ATF7IP: variants seen among roughly 807,000 people sequenced by gnomAD.
The protein encoded by ATF7IP is activating transcription factor 7 interacting protein.
A neutral mutation model predicts 106.4 loss-of-function variants in ATF7IP; 23 were observed. The ratio of observed to expected loss-of-function variants is 0.22; its 90% confidence interval spans 0.16 to 0.31. ATF7IP has a LOEUF of 0.31. Ranked by LOEUF, ATF7IP falls within the 10% of genes least tolerant of loss-of-function variation. ATF7IP has a pLI of 1.00. For synonymous variants in ATF7IP, 542 were observed against 539.0 expected, an observed-to-expected ratio of 1.01 and a Z score of -0.08; for missense variants, 1,334 against 1,524.3, an observed-to-expected ratio of 0.88 and a Z score of 2.08.
chr12:14,388,191 A>G (rs1939349778), intron 1 of ATF7IP, among the ~76,000 whole-genome samples: 1 of 151,710 alleles, frequency 6.6e-6, no homozygotes, highest in African/African-American at 2.4e-5. Flanking sequence ...CTGGGATTAC[A>G]GGCATGTGCC....
At chr12:14,494,173 A>G (rs892133199) in intron 13 of ATF7IP, among the ~76,000 whole-genome samples, 1 of 150,342 alleles carries the variant, frequency 6.7e-6, no homozygotes, top group Middle Eastern at 3.2e-3. Flanking sequence ...AGCCAACTCC[A>G]GAAACCCCAA....
chr12:14,454,697 A>G (rs75500432), intron 6 of ATF7IP, among the ~76,000 whole-genome samples: 15,733 of 152,142 alleles, frequency 0.1, 1,003 homozygotes, highest in African/African-American at 0.19. Flanking sequence ...TTATCTTGTT[A>G]AGTCATCTCC....
At chr12:14,429,502 G>C (rs534990365) in intron 2 of ATF7IP, among the ~76,000 whole-genome samples, 1 of 152,140 alleles carries the variant, frequency 6.6e-6, no homozygotes, top group South Asian at 2.1e-4. Flanking sequence ...TTTCCTTGCA[G>C]ATTTTATTTC....
intron 1 of ATF7IP, among the ~76,000 whole-genome samples, chr12:14,389,684 A>G (rs1939438730): frequency 1.3e-5 from 2 of 151,924 alleles, no homozygotes; most frequent in African/African-American, 2.4e-5. Context: ...CTGGAGTGCA[A>G]TGGCGCGATC....
At chr12:14,415,016 G>C (rs1941130425) in intron 1 of ATF7IP, among the ~76,000 whole-genome samples, 1 of 152,100 alleles carries the variant, frequency 6.6e-6, no homozygotes, top group Non-Finnish European at 1.5e-5. Flanking sequence ...GCAGTCCACT[G>C]CCTCAGCCTC....
At chr12:14,438,058 A>T (rs1942496093) in intron 4 of ATF7IP, 72 bp from the exon 5 acceptor site, 1 of 1,482,472 alleles carries the variant, frequency 6.7e-7, no homozygotes, top group Non-Finnish European at 9.2e-7. Context: ...GTCTCAAAAA[A>T]AAAGAATATT....
intron 1 of ATF7IP, among the ~76,000 whole-genome samples, chr12:14,397,512 A>G (rs1002517020): frequency 6.6e-6 from 1 of 152,090 alleles, no homozygotes; most frequent in Non-Finnish European, 1.5e-5. Flanking sequence ...ATTTTCATAA[A>G]TCAGTTTCTT....
intron 1 of ATF7IP, chr12:14,369,162 A>C (rs1938429857): frequency 6.7e-6 from 1 of 148,892 alleles, no homozygotes; most frequent in South Asian, 2.1e-4. Flanking sequence ...TATGTTGCCC[A>C]GGCTGGTCTT....
intron 11 of ATF7IP, 79 bp from the exon 12 acceptor site, chr12:14,478,238 A>G (rs1944319210): frequency 7.1e-7 from 1 of 1,412,586 alleles, no homozygotes; most frequent in Admixed American, 1.8e-5. Flanking sequence ...AAGCAAAAGT[A>G]AAATTTGTCC....
chr12:14,385,167 C>T, intron 1 of ATF7IP: 1 of 476,366 alleles, frequency 2.1e-6, no homozygotes, highest in Non-Finnish European at 3.7e-6. Flanking sequence ...TATGCATTAG[C>T]TGTTGTCTAT....
chr12:14,468,823 G>T (rs1943932115), intron 10 of ATF7IP, among the ~76,000 whole-genome samples: 1 of 152,148 alleles, frequency 6.6e-6, no homozygotes. Flanking sequence ...TTGTCAGCCA[G>T]AATTTTTTGA....
At chr12:14,468,600 GGAA>G (rs1462022475) in intron 10 of ATF7IP, among the ~76,000 whole-genome samples, 3 of 152,002 alleles carry the variant, frequency 2.0e-5, no homozygotes, top group Admixed American at 2.0e-4. Context: ...TTGGCTTCAA[GGAA>G]GAGGAATTTA....
intron 2 of ATF7IP, among the ~76,000 whole-genome samples, chr12:14,427,157 C>G (rs191038668): frequency 6.6e-6 from 1 of 152,154 alleles, no homozygotes; most frequent in African/African-American, 2.4e-5. Context: ...GAGTCTTGCT[C>G]TGTTGCCCAG....
chr12:14,394,910 C>G (rs1591783914), intron 1 of ATF7IP: 3 of 152,252 alleles, frequency 2.0e-5, no homozygotes, highest in Admixed American at 6.5e-5. Context: ...AATTCTGATT[C>G]TAGGCATTTT....
intron 10 of ATF7IP, among the ~76,000 whole-genome samples, chr12:14,471,464 G>T (rs1175502168): frequency 6.6e-6 from 1 of 152,074 alleles, no homozygotes; most frequent in Non-Finnish European, 1.5e-5. Context: ...TGTATAATTT[G>T]TAATCTTGCC....
chr12:14,490,748 A>T (rs1205369422), intron 13 of ATF7IP, among the ~76,000 whole-genome samples: 1 of 152,126 alleles, frequency 6.6e-6, no homozygotes, highest in Non-Finnish European at 1.5e-5. Flanking sequence ...AGACACGGGC[A>T]TTTGAGCCAC....
rs985601668 is a variant in ATF7IP, at chr12:14,386,631, A to G, written c.-8+20804A>G. On this transcript the variant is annotated intron_variant, in intron 1 of 14. Transcript: ENST00000261168. Reference sequence around the variant, plus strand: ...CTTAAGAAACAAAAGGACACGTGATATTTTATTGTTATGTACTTATTTTAT... The same window carrying G: ...CTTAAGAAACAAAAGGACACGTGATGTTTTATTGTTATGTACTTATTTTAT... Among the ~76,000 whole-genome samples, 8 of 152,128 alleles carry G rather than the reference A, an allele frequency of 5.3e-5. 1 individual carries two copies. The South Asian group carries it at 8.3e-4, about 16-fold the overall frequency.
At chr12:14,375,543 A>T (rs1005809293) in intron 1 of ATF7IP, among the ~76,000 whole-genome samples, 7 of 152,170 alleles carry the variant, frequency 4.6e-5, no homozygotes, top group Admixed American at 2.0e-4. Context: ...AAAAATAAAT[A>T]AAAAAATGAA....
At chr12:14,451,729 G>T (rs1479961453) in intron 6 of ATF7IP, among the ~76,000 whole-genome samples, 1 of 151,750 alleles carries the variant, frequency 6.6e-6, no homozygotes. Context: ...AAGATACTTG[G>T]TATGATTTCA....
Sources: gnomAD v4.1 joint callset for allele counts (sites outside exome capture counted in the v4.1 genomes callset) on GRCh38, gnomAD v4.1.1 for gene constraint, MANE v1.5 for transcripts, NCBI Gene and HGNC (gene_info 2026-07-23, HGNC 2026-07-21) for gene names.